The following AFF4 variants were observed in gnomAD, a reference collection of about 807,000 sequenced individuals.
AFF4 encodes the protein ALF transcription elongation factor 4.
A neutral mutation model predicts 124.8 loss-of-function variants in AFF4; 13 were observed. The observed-to-expected ratio is 0.10, with a 90% CI of 0.07 to 0.17. The LOEUF (loss-of-function observed/expected upper bound fraction) is 0.17, where lower values mean the gene tolerates loss of function less well. Among genes scored for constraint, AFF4 ranks in the 10% least tolerant of loss-of-function variants. The pLI is 1.00. For missense variants in AFF4, 1,092 were observed against 1,403.8 expected (o/e 0.78, Z 3.55); for synonymous variants, 477 against 496.1 (o/e 0.96, Z 0.51).
rs1007880199 is a variant in AFF4 at position 132,926,963 on chromosome 5, A to G, written c.1050+158T>C. 9.0e-5 allele frequency: 54 copies of G among 601,938 alleles called. 1 individual carries two copies. The highest frequency in any genetic ancestry group is 5.0e-4 in the South Asian group (24 of 47,936). 37.3% of individuals were successfully genotyped at this position (601,938 alleles called of 1,614,324 possible). On this transcript the variant is annotated intron_variant, in intron 5 of 20. Coordinates refer to ENST00000265343, the MANE Select transcript of AFF4 (RefSeq NM_014423.4). ...TTCCATTACCCTGCTAATTATCTTCATAACAGTTGTCACTATCTGAATTTA... is the reference window on the plus strand; with the variant it reads ...TTCCATTACCCTGCTAATTATCTTCGTAACAGTTGTCACTATCTGAATTTA...
rs558767157 is a variant in AFF4 at position 132,892,240 on chromosome 5, C to T, written c.2561G>A (p.Ser854Asn). 1.5e-5 allele frequency: 25 copies of T among 1,614,108 alleles called. 1 individual carries two copies. The South Asian group carries it at 2.6e-4, about 17-fold the overall frequency. The part of the protein sequence containing the change: ...SSNSNKETSG[S>N]SKNSSSTSKQ... ...TGATGTGGAGGAACTGTTTTTGCTG[C>T]TGCCACTCGTCTCCTTGTTGCTGTT... Residue 854 changes from serine (S) to asparagine (N), a missense_variant, in exon 13 of 21, where the codon AGC becomes AAC. By Grantham distance (46) the Ser-to-Asn change is conservative. Around this residue, in one of 11 missense-constraint regions of AFF4, gnomAD observed 293 missense variants for 280.2 expected, o/e 1.05. Transcript: ENST00000265343.
At chr5:132,915,736 T>G (rs113257341) in intron 5 of AFF4, among the ~76,000 whole-genome samples, 4,169 of 151,396 alleles carry the variant, frequency 0.028, 176 homozygotes, top group African/African-American at 0.095. Flanking sequence ...CTCGGCTAAT[T>G]TTTGTATTTT....
chr5:132,940,252 C>G (rs1015546560), intron 1 of AFF4, among the ~76,000 whole-genome samples: 2 of 151,592 alleles, frequency 1.3e-5, no homozygotes, highest in African/African-American at 4.8e-5. Flanking sequence ...GTAATCCTAG[C>G]AATTTGGGTG....
intron 20 of AFF4, among the ~76,000 whole-genome samples, chr5:132,882,906 C>G (rs1760020846): frequency 6.7e-6 from 1 of 149,636 alleles, no homozygotes; most frequent in South Asian, 2.2e-4. Flanking sequence ...CTTTATTTCA[C>G]AGGTTTCTTC....
At chr5:132,951,050 C>T (rs1761832512) in intron 1 of AFF4, among the ~76,000 whole-genome samples, 1 of 152,178 alleles carries the variant, frequency 6.6e-6, no homozygotes, top group Non-Finnish European at 1.5e-5. Context: ...CATGGCAAAA[C>T]CCTGTCTCTA....
At chr5:132,886,247 T>G in intron 18 of AFF4, 63 bp downstream of exon 18, 3 of 1,411,294 alleles carry the variant, frequency 2.1e-6, no homozygotes, top group Non-Finnish European at 3.0e-6. Context: ...AGTTCTCAGA[T>G]GGGGATGGGA....
At chr5:132,921,972 A>T (rs1581306705) in intron 5 of AFF4, among the ~76,000 whole-genome samples, 1 of 151,734 alleles carries the variant, frequency 6.6e-6, no homozygotes, top group African/African-American at 2.4e-5. Context: ...TTTTGTGGAG[A>T]CAGAGTCTCA....
At chr5:132,901,512 T>C (rs1005656600) in intron 7 of AFF4, among the ~76,000 whole-genome samples, 8 of 152,234 alleles carry the variant, frequency 5.3e-5, no homozygotes, top group African/African-American at 1.9e-4. Flanking sequence ...TTTAGAACTT[T>C]GCTTTAATCA....
chr5:132,934,624 A>G lies in AFF4; in HGVS notation c.441T>C (p.Ser147=), dbSNP rs1240015033. ...ATGACTCACGGTCGTGCCTCTGACC[A>G]CTACTGTTAGTGCCACTACTGCTAC... is the stretch of plus-strand genomic sequence containing the variant. The part of the protein sequence containing the change: ...SAGSSSGTNS[S]GQRHDRESYN... The change falls in exon 3 of 21, where the codon AGT becomes AGC. Residue 147 remains serine (S), a synonymous_variant. Transcript: ENST00000265343. 4 of 1,614,030 alleles carry G rather than the reference A, an allele frequency of 2.5e-6. No individual in the cohort carries two copies. The highest frequency in any genetic ancestry group is 1.3e-5 in the African/African-American group (1 of 74,972).
intron 18 of AFF4, among the ~76,000 whole-genome samples, chr5:132,886,071 C>T (rs953362544): frequency 6.6e-6 from 1 of 152,074 alleles, no homozygotes; most frequent in African/African-American, 2.4e-5. Flanking sequence ...CGAACCCGGC[C>T]GAAAACAAAA....
Position 132,947,995 on chromosome 5 carries a change from G to T in AFF4, c.-4-10802C>A, listed in dbSNP as rs946726804. ...TTCATCACATCCTTATGTATTATGT[G>T]AATTTCTTACTGTATTTCATAAATC... is the stretch of plus-strand genomic sequence containing the variant. On this transcript the variant is annotated intron_variant, in intron 1 of 20. Coordinates refer to ENST00000265343, the MANE Select transcript of AFF4 (RefSeq NM_014423.4). Among the ~76,000 whole-genome samples the T allele has an allele frequency of 5.3e-5, 8 of 152,100 alleles. No homozygotes were observed. The South Asian group carries it at 1.7e-3, about 32-fold the overall frequency.
intron 1 of AFF4, among the ~76,000 whole-genome samples, chr5:132,950,011 A>C (rs1761800383): frequency 6.6e-6 from 1 of 151,968 alleles, no homozygotes; most frequent in Non-Finnish European, 1.5e-5. Flanking sequence ...CAACAGAGCA[A>C]GACCTGGTCT....
chr5:132,896,398 C>T lies in AFF4; in HGVS notation c.2232G>A (p.Val744=), dbSNP rs1300027412. ...GAGCCTCTCTCGTGTGCTTTTCTGG[C>T]ACATTTTTCTTTTCCCCCTTGGGCG... ...TEPPKGEKKN[V]PEKHTREAQK... Residue 744 remains valine (V), a synonymous_variant, in exon 11 of 21, where the codon GTG becomes GTA. Transcript: ENST00000265343. The T allele has an allele frequency of 6.2e-7, 1 of 1,613,658 alleles. No individual in the cohort carries two copies. Among genetic ancestry groups the T allele is most frequent in the Non-Finnish European group, 8.5e-7 (1 of 1,179,934 alleles).
intron 1 of AFF4, among the ~76,000 whole-genome samples, chr5:132,956,134 C>T (rs563020609): frequency 1.2e-3 from 175 of 151,992 alleles, no homozygotes; most frequent in Non-Finnish European, 2.0e-3. Flanking sequence ...TAAAGAAATC[C>T]TCAAACCCAA....
rs1339314080 is a variant in AFF4 at position 132,914,550 on chromosome 5, G to A, written c.1051-10146C>T. 1.3e-4 allele frequency among the ~76,000 whole-genome samples: 19 copies of A among 151,410 alleles called. 1 individual carries two copies. Among genetic ancestry groups the A allele is most frequent in the East Asian group, 3.9e-4 (2 of 5,160 alleles). On this transcript the variant is annotated intron_variant, in intron 5 of 20. Transcript: ENST00000265343. ...CGGAAGGTGGAGGTTGCAGTGAGCC[G>A]AGATCACGCCACTGCACTCCAGCCT...
chr5:132,899,560 G>T, intron 8 of AFF4, 27 bp downstream of exon 8: 1 of 1,584,132 alleles, frequency 6.3e-7, no homozygotes, highest in South Asian at 1.2e-5. Context: ...ATATGAGACT[G>T]GCAAAATAAT....
rs1401756129 is a variant in AFF4, at chr5:132,963,055, T to C, written c.-5+204A>G. On this transcript the variant is annotated intron_variant, in intron 1 of 20. Coordinates refer to ENST00000265343, the MANE Select transcript of AFF4 (RefSeq NM_014423.4). ...GAATTTTTGTTAGGATTGGGTTAGC[T>C]TTTTTTATTTTCTTATCTTTGCGGG... is the stretch of plus-strand genomic sequence containing the variant. Among the ~76,000 whole-genome samples, 3 of 152,162 alleles carry C rather than the reference T, an allele frequency of 2.0e-5. No individual in the cohort carries two copies. In the East Asian group the frequency reaches 5.8e-4, roughly 29 times the overall value.
intron 5 of AFF4, among the ~76,000 whole-genome samples, chr5:132,915,568 G>GTTTT (rs34458324): frequency 1.6e-5 from 2 of 122,998 alleles, no homozygotes; most frequent in Non-Finnish European, 3.3e-5. Flanking sequence ...TTTTTTTTGG[G>GTTTT]TTTTTTTTTT....
rs776333438 is a variant in AFF4 at position 132,897,165 on chromosome 5, C to T, written c.1465G>A (p.Ala489Thr). 8.1e-6 allele frequency: 13 copies of T among 1,614,150 alleles called. No individual in the cohort carries two copies. The highest frequency in any genetic ancestry group is 1.7e-5 in the Admixed American group (1 of 60,020). ...GGGATGTTACTGTCCACTGAAGAGG[C>T]GGGTGACACTTTATGTGGGTTCACT... Reference protein sequence around the residue: ...NKVNPHKVSPASSVDSNIPSS... With the variant: ...NKVNPHKVSPTSSVDSNIPSS... The change falls in exon 11 of 21, where the codon GCC becomes ACC. Residue 489 changes from alanine (A) to threonine (T), a missense_variant. By Grantham distance (58) the Ala-to-Thr change is moderately conservative. Around this residue, in one of 11 missense-constraint regions of AFF4, gnomAD observed 7 missense variants for 33.5 expected, o/e 0.21. Coordinates refer to ENST00000265343, the MANE Select transcript of AFF4 (RefSeq NM_014423.4).
Sources: gnomAD v4.1 joint callset for allele counts (sites outside exome capture counted in the v4.1 genomes callset) on GRCh38, gnomAD v4.1.1 for gene constraint, gnomAD v4.1.1 regional missense constraint, MANE v1.5 for transcripts, NCBI Gene and HGNC (gene_info 2026-07-23, HGNC 2026-07-21) for gene names.